The following ST6GALNAC3 variants were observed in gnomAD, a reference collection of about 807,000 sequenced individuals.
ST6GALNAC3 encodes alpha-N-acetylgalactosaminide alpha-2,6-sialyltransferase 3.
ST6GALNAC3 carries 25 observed loss-of-function variants against 32.7 expected under a neutral mutation model. That is an observed-to-expected ratio of 0.76 (90% CI 0.56 to 1.07). ST6GALNAC3 has a LOEUF of 1.07. Among genes scored for constraint, ST6GALNAC3 ranks in the 50% least tolerant of loss-of-function variants. The pLI is 0.00. For synonymous variants in ST6GALNAC3, 129 were observed against 133.1 expected (o/e 0.97, Z 0.21); for missense variants, 355 against 382.4 (o/e 0.93, Z 0.60).
intron 3 of ST6GALNAC3, among the ~76,000 whole-genome samples, chr1:76,565,736 G>C (rs1053400597): frequency 1.3e-5 from 2 of 152,180 alleles, no homozygotes; most frequent in Admixed American, 1.3e-4. Context: ...CAGTGCCAAA[G>C]CTGTGGATAT....
At chr1:76,470,149 AT>A (rs1009052396) in intron 3 of ST6GALNAC3, among the ~76,000 whole-genome samples, 15 of 151,816 alleles carry the variant, frequency 9.9e-5, no homozygotes, top group South Asian at 4.2e-4. Flanking sequence ...TAATGATATA[AT>A]TTTTTTTTAA....
At position 76,454,153 on chromosome 1, in the gene ST6GALNAC3, C is replaced by T. The variant is rs563839625; in HGVS notation, c.623+41736C>T. On this transcript the variant is annotated intron_variant, in intron 3 of 4. Transcript: ENST00000328299. Reference sequence around the variant, plus strand: ...GGAATATCTTTTTCCACCCCTTTACCTTAAGTTTAGAAGAGTCCTTATGTG... The same window carrying T: ...GGAATATCTTTTTCCACCCCTTTACTTTAAGTTTAGAAGAGTCCTTATGTG... Among the ~76,000 whole-genome samples the T allele has an allele frequency of 1.4e-4, 21 of 152,090 alleles. No homozygotes were observed. In the South Asian group the frequency reaches 3.5e-3, roughly 26 times the overall value.
intron 1 of ST6GALNAC3, among the ~76,000 whole-genome samples, chr1:76,165,271 T>C (rs920559644): frequency 6.6e-6 from 1 of 152,190 alleles, no homozygotes. Context: ...CTTGCAGTAT[T>C]TGGTTTTCTA....
At chr1:76,221,733 C>A (rs1655783940) in intron 1 of ST6GALNAC3, among the ~76,000 whole-genome samples, 1 of 152,122 alleles carries the variant, frequency 6.6e-6, no homozygotes, top group African/African-American at 2.4e-5. Flanking sequence ...TTTTTCCACA[C>A]TCAAGAATAT....
At chr1:76,401,317 TTTA>T (rs1376019376) in intron 2 of ST6GALNAC3, among the ~76,000 whole-genome samples, 1 of 152,314 alleles carries the variant, frequency 6.6e-6, no homozygotes, top group Non-Finnish European at 1.5e-5. Flanking sequence ...TCTTGAGTTC[TTTA>T]TTTCATGTAT....
chr1:76,313,079 A>T (rs560461735), intron 1 of ST6GALNAC3, among the ~76,000 whole-genome samples: 2 of 152,008 alleles, frequency 1.3e-5, no homozygotes, highest in African/African-American at 4.8e-5. Flanking sequence ...TTTGAATCTT[A>T]CTTTTGCAAA....
chr1:76,471,919 T>C (rs1557455207), intron 3 of ST6GALNAC3, among the ~76,000 whole-genome samples: 1 of 152,026 alleles, frequency 6.6e-6, no homozygotes, highest in Non-Finnish European at 1.5e-5. Flanking sequence ...ATGCCTATGC[T>C]ATTGAGCCAT....
chr1:76,309,087 C>A (rs1646700671), intron 1 of ST6GALNAC3, among the ~76,000 whole-genome samples: 1 of 152,130 alleles, frequency 6.6e-6, no homozygotes, highest in African/African-American at 2.4e-5. Flanking sequence ...ATATCACCAC[C>A]CCAGACAAAC....
At chr1:76,112,837 G>A (rs991157382) in intron 1 of ST6GALNAC3, among the ~76,000 whole-genome samples, 4 of 151,116 alleles carry the variant, frequency 2.6e-5, no homozygotes, top group South Asian at 4.2e-4. Context: ...GGGCAGAGAC[G>A]CTCCTCACTT....
At chr1:76,627,655 T>C in intron 4 of ST6GALNAC3, 96 bp downstream of exon 4, 3 of 951,948 alleles carry the variant, frequency 3.2e-6, no homozygotes, top group Non-Finnish European at 5.0e-6. Context: ...GAGAAACAGA[T>C]AAAGCAACAA....
intron 1 of ST6GALNAC3, among the ~76,000 whole-genome samples, chr1:76,236,866 C>T (rs1656687854): frequency 6.6e-6 from 1 of 152,132 alleles, no homozygotes; most frequent in Non-Finnish European, 1.5e-5. Context: ...GCCAATTCAA[C>T]AGATAAAAGA....
chr1:76,485,689 A>AT (rs918543419), intron 3 of ST6GALNAC3, among the ~76,000 whole-genome samples: 22 of 151,932 alleles, frequency 1.4e-4, no homozygotes, highest in Admixed American at 8.5e-4. Flanking sequence ...GGATTCATTG[A>AT]TTTTTTTGAA....
chr1:76,448,084 G>A (rs1426508045), intron 3 of ST6GALNAC3, among the ~76,000 whole-genome samples: 15 of 152,130 alleles, frequency 9.9e-5, no homozygotes, highest in Admixed American at 9.8e-4. Context: ...GAGGAGGGGG[G>A]CTATACCCCG....
At chr1:76,225,116 A>G (rs544170172) in intron 1 of ST6GALNAC3, among the ~76,000 whole-genome samples, 42 of 151,958 alleles carry the variant, frequency 2.8e-4, no homozygotes, top group African/African-American at 9.4e-4. Context: ...AACAGTACCC[A>G]CCTGCTAATC....
chr1:76,250,292 T>C (rs188738371), intron 1 of ST6GALNAC3, among the ~76,000 whole-genome samples: 87 of 152,344 alleles, frequency 5.7e-4, no homozygotes, highest in African/African-American at 2.0e-3. Flanking sequence ...GTTTTGGCTG[T>C]GCTAGCAAAG....
At chr1:76,561,432 T>C (rs541265118) in intron 3 of ST6GALNAC3, among the ~76,000 whole-genome samples, 2 of 152,284 alleles carry the variant, frequency 1.3e-5, no homozygotes, top group East Asian at 1.9e-4. Context: ...TATAAATAAT[T>C]ATTACAATGT....
intron 1 of ST6GALNAC3, among the ~76,000 whole-genome samples, chr1:76,172,119 T>TA (rs922018159): frequency 2.2e-4 from 32 of 148,346 alleles, no homozygotes; most frequent in East Asian, 7.8e-4. Flanking sequence ...CAGCAGCACA[T>TA]AAAAAAAAAA....
Position 76,421,374 on chromosome 1 carries a change from G to A in ST6GALNAC3, c.623+8957G>A, listed in dbSNP as rs527859755. Among the ~76,000 whole-genome samples the A allele has an allele frequency of 2.6e-5, 4 of 152,078 alleles. No individual in the cohort carries two copies. The South Asian group carries it at 8.3e-4, about 32-fold the overall frequency. On this transcript the variant is annotated intron_variant, in intron 3 of 4. Transcript: ENST00000328299. The stretch of plus-strand genomic sequence containing the variant: ...GGCACTGGGTTTTTAATAAGTAACT[G>A]GCAGAGCCATTCCTCAAATACAGGT...
At chr1:76,143,571 C>G (rs1203431170) in intron 1 of ST6GALNAC3, among the ~76,000 whole-genome samples, 1 of 152,140 alleles carries the variant, frequency 6.6e-6, no homozygotes, top group Non-Finnish European at 1.5e-5. Flanking sequence ...AAATCAAATT[C>G]TCTTGGAATA....
Sources: allele counts gnomAD v4.1 joint callset (sites outside exome capture counted in the v4.1 genomes callset), GRCh38; gene constraint gnomAD v4.1.1; transcripts MANE v1.5; gene names NCBI Gene and HGNC (gene_info 2026-07-23, HGNC 2026-07-21).